The following CADM1 variants were observed in gnomAD, a reference collection of about 807,000 sequenced individuals.
CADM1 encodes TSLC-1.
Under a neutral mutation model 53.1 loss-of-function variants are expected in CADM1, and 15 were observed. The observed-to-expected ratio is 0.28, with a 90% CI of 0.19 to 0.44. The LOEUF (loss-of-function observed/expected upper bound fraction) is 0.44, where lower values mean the gene tolerates loss of function less well. Ranked by LOEUF, CADM1 falls within the 20% of genes least tolerant of loss-of-function variation. The probability of loss-of-function intolerance (pLI) is 1.00; values close to 1 mark genes in which losing one functional copy is unlikely to be tolerated. For missense variants in CADM1, 434 were observed against 611.3 expected (o/e 0.71, Z 3.06); for synonymous variants, 281 against 243.0 (o/e 1.16, Z -1.45).
rs139187870 is a variant in CADM1, at chr11:115,398,527, A to G, written c.124+105744T>C. Among the ~76,000 whole-genome samples, 887 of 152,328 alleles carry G rather than the reference A, an allele frequency of 5.8e-3. 5 individuals are homozygous for G. The highest frequency in any genetic ancestry group is 0.034 in the Middle Eastern group (10 of 294). On this transcript the variant is annotated intron_variant, in intron 1 of 11. Transcript: ENST00000331581. Reference sequence around the variant, plus strand: ...GTATATACTTCCCCTCTCAGTGAATATTGCTCATCTGTTTACTAGGCCAGA... The same window carrying G: ...GTATATACTTCCCCTCTCAGTGAATGTTGCTCATCTGTTTACTAGGCCAGA...
At chr11:115,328,209 T>C (rs886875978) in intron 1 of CADM1, among the ~76,000 whole-genome samples, 1 of 152,024 alleles carries the variant, frequency 6.6e-6, no homozygotes, top group Non-Finnish European at 1.5e-5. Flanking sequence ...AAATTAACCT[T>C]TTGAGGGCCT....
intron 1 of CADM1, among the ~76,000 whole-genome samples, chr11:115,321,464 C>T (rs1406144893): frequency 1.3e-5 from 2 of 152,160 alleles, no homozygotes; most frequent in African/African-American, 4.8e-5. Flanking sequence ...TTTACTGAAA[C>T]TTCTCTGAGC....
At chr11:115,237,617 T>C (rs1942056439) in intron 3 of CADM1, among the ~76,000 whole-genome samples, 1 of 152,218 alleles carries the variant, frequency 6.6e-6, no homozygotes, top group Admixed American at 6.5e-5. Flanking sequence ...AAATAGACTT[T>C]GATTCATCAT....
At chr11:115,214,838 G>A in intron 6 of CADM1, 58 bp from the exon 7 acceptor site, 1 of 1,513,106 alleles carries the variant, frequency 6.6e-7, no homozygotes, top group African/African-American at 1.4e-5. Context: ...GCATCAAACT[G>A]CTCACCCACA....
At chr11:115,277,133 C>G (rs1265056118) in intron 1 of CADM1, among the ~76,000 whole-genome samples, 1 of 152,170 alleles carries the variant, frequency 6.6e-6, no homozygotes, top group East Asian at 1.9e-4. Context: ...CAACACAATG[C>G]CCCACCACAA....
chr11:115,213,826 G>C, intron 7 of CADM1, among the ~76,000 whole-genome samples: 1 of 151,992 alleles, frequency 6.6e-6, no homozygotes, highest in East Asian at 1.9e-4. Context: ...GCTATTTTTT[G>C]GCATATGAGG....
intron 1 of CADM1, among the ~76,000 whole-genome samples, chr11:115,258,249 T>C (rs1942858194): frequency 1.3e-5 from 2 of 152,258 alleles, no homozygotes; most frequent in African/African-American, 4.8e-5. Flanking sequence ...CCATTACTAG[T>C]ACCGTATCAG....
chr11:115,309,541 T>G (rs1944476666), intron 1 of CADM1, among the ~76,000 whole-genome samples: 1 of 152,170 alleles, frequency 6.6e-6, no homozygotes, highest in African/African-American at 2.4e-5. Flanking sequence ...TCCTTTGTTT[T>G]TCTTTTACTT....
intron 8 of CADM1, among the ~76,000 whole-genome samples, chr11:115,203,742 TG>T (rs1440470087): frequency 6.6e-6 from 1 of 152,194 alleles, no homozygotes; most frequent in African/African-American, 2.4e-5. Context: ...TTAAAAAATA[TG>T]GGGTCAGGTG....
chr11:115,289,611 T>C (rs74492998), intron 1 of CADM1, among the ~76,000 whole-genome samples: 2,252 of 135,692 alleles, frequency 0.017, 238 homozygotes, highest in Admixed American at 0.15. Context: ...TTTTTTTTTT[T>C]TTGAGACAGA....
At chr11:115,178,505 T>C in intron 11 of CADM1, 139 bp downstream of exon 11, 1 of 780,378 alleles carries the variant, frequency 1.3e-6, no homozygotes, top group Non-Finnish European at 2.2e-6. Flanking sequence ...TTTTTTCTCT[T>C]CTCTCTCTTC....
chr11:115,407,873 TAAAAA>T (rs148209064), intron 1 of CADM1, among the ~76,000 whole-genome samples: 51 of 31,744 alleles, frequency 1.6e-3, no homozygotes, highest in African/African-American at 5.1e-3. Context: ...CCCTGTCATT[TAAAAA>T]AAAAAAAAAA....
rs573589612 is a variant in CADM1 at position 115,245,306 on chromosome 11, A to G, written c.125-4886T>C. Among the ~76,000 whole-genome samples the G allele has an allele frequency of 9.2e-5, 14 of 152,346 alleles. No individual in the cohort carries two copies. The South Asian group carries it at 1.0e-3, about 11-fold the overall frequency. ...AACCAAAACTATTGATTGTTAAAAA[A>G]AAAACATTCTGCTAATCAATATAGT... On this transcript the variant is annotated intron_variant, in intron 1 of 11. Transcript: ENST00000331581.
chr11:115,196,595 T>TAAAAAAAAAAAAAAAAAAAAAA lies in CADM1; in HGVS notation c.1111+1789_1111+1810dup, dbSNP rs61694033. ...ACACTAACAATGATAGCTGATGAAC[T>TAAAAAAAAAAAAAAAAAAAAAA]AAAAAAAAAAAAAAAAAAAAAAAAA... On this transcript the variant is annotated intron_variant, in intron 9 of 11. Transcript: ENST00000331581. Among the ~76,000 whole-genome samples the TAAAAAAAAAAAAAAAAAAAAAA allele has an allele frequency of 7.8e-5, 6 of 76,890 alleles. 1 individual carries two copies. The highest frequency in any genetic ancestry group is 9.1e-5 in the Non-Finnish European group (4 of 43,734). 50.4% of individuals were successfully genotyped at this position (76,890 alleles called of 152,430 possible). A position where few individuals can be genotyped will look rare whatever the true frequency, so the allele number is the denominator to read the frequency against.
intron 5 of CADM1, among the ~76,000 whole-genome samples, chr11:115,219,728 C>T (rs1419338982): frequency 6.6e-6 from 1 of 152,140 alleles, no homozygotes; most frequent in African/African-American, 2.4e-5. Flanking sequence ...TGGGCACCCC[C>T]TTTCAGAGAC....
intron 1 of CADM1, among the ~76,000 whole-genome samples, chr11:115,348,801 T>G (rs986924827): frequency 3.3e-5 from 5 of 152,170 alleles, no homozygotes; most frequent in African/African-American, 1.2e-4. Flanking sequence ...AAAACATGAT[T>G]AATTTCAAGT....
chr11:115,404,790 C>A (rs1342542603), intron 1 of CADM1, among the ~76,000 whole-genome samples: 2 of 131,932 alleles, frequency 1.5e-5, no homozygotes, highest in African/African-American at 5.7e-5. Flanking sequence ...CCCCCGAGGT[C>A]AAGACTGCAG....
At chr11:115,205,092 T>A (rs1940614518) in intron 8 of CADM1, among the ~76,000 whole-genome samples, 1 of 152,200 alleles carries the variant, frequency 6.6e-6, no homozygotes, top group African/African-American at 2.4e-5. Flanking sequence ...TGGTTTTAAT[T>A]TTTTAATTTA....
At chr11:115,208,890 G>A (rs1466686571) in intron 8 of CADM1, among the ~76,000 whole-genome samples, 1 of 152,206 alleles carries the variant, frequency 6.6e-6, no homozygotes, top group South Asian at 2.1e-4. Context: ...ACAAGAGACA[G>A]TAAAACTCAT....
Sources: gnomAD v4.1 joint callset for allele counts (sites outside exome capture counted in the v4.1 genomes callset) on GRCh38, gnomAD v4.1.1 for gene constraint, MANE v1.5 for transcripts, NCBI Gene and HGNC (gene_info 2026-07-23, HGNC 2026-07-21) for gene names.